Variants in ANK3 observed in about 807,000 individuals in gnomAD.
The protein encoded by ANK3 is ankyrin-3.
A neutral mutation model predicts 370.9 loss-of-function variants in ANK3; 57 were observed. The observed-to-expected ratio is 0.15, with a 90% CI of 0.12 to 0.19. The LOEUF is 0.19. Among genes scored for constraint, ANK3 ranks in the 10% least tolerant of loss-of-function variants. The pLI, the probability that ANK3 is intolerant of heterozygous loss-of-function variation, is 1.00. For synonymous variants in ANK3, 1,929 were observed against 1,946.3 expected, an observed-to-expected ratio of 0.99 and a Z score of 0.23; for missense variants, 4,439 against 5,302.1, an observed-to-expected ratio of 0.84 and a Z score of 5.06.
intron 7 of ANK3, among the ~76,000 whole-genome samples, chr10:60,245,811 A>G (rs887895017): frequency 1.3e-5 from 2 of 152,224 alleles, no homozygotes; most frequent in African/African-American, 4.8e-5. Flanking sequence ...TAATATTTGA[A>G]TAGACTGATA....
At chr10:60,276,637 AG>A (rs1398297030) in intron 4 of ANK3, among the ~76,000 whole-genome samples, 1 of 152,240 alleles carries the variant, frequency 6.6e-6, no homozygotes, top group Non-Finnish European at 1.5e-5. Flanking sequence ...AATTGAAATT[AG>A]AACTAATTAG....
At chr10:60,105,209 T>C (rs2091999345) in intron 28 of ANK3, among the ~76,000 whole-genome samples, 2 of 90,620 alleles carry the variant, frequency 2.2e-5, no homozygotes, top group East Asian at 4.6e-4. Flanking sequence ...GTTCTCTAAT[T>C]TTTTTTTTTT....
At chr10:60,427,901 G>A (rs1235378278) in intron 2 of ANK3, among the ~76,000 whole-genome samples, 2 of 152,074 alleles carry the variant, frequency 1.3e-5, no homozygotes, top group Non-Finnish European at 2.9e-5. Flanking sequence ...ATCTGAGAAG[G>A]ACACATTTGA....
chr10:60,163,015 A>C (rs1428509819), intron 23 of ANK3, among the ~76,000 whole-genome samples: 1 of 152,174 alleles, frequency 6.6e-6, no homozygotes, highest in African/African-American at 2.4e-5. Context: ...AACCAAAGCC[A>C]ATGTAAAATC....
At chr10:60,056,773 C>T (rs905749128) in intron 41 of ANK3, among the ~76,000 whole-genome samples, 2 of 152,132 alleles carry the variant, frequency 1.3e-5, no homozygotes, top group Non-Finnish European at 2.9e-5. Flanking sequence ...CCTATATTCC[C>T]AGCATTTTGG....
chr10:60,589,784 T>C (rs958266213), intron 2 of ANK3, among the ~76,000 whole-genome samples: 1 of 152,264 alleles, frequency 6.6e-6, no homozygotes, highest in Non-Finnish European at 1.5e-5. Flanking sequence ...TTGGCTATTA[T>C]GGATAATTTA....
chr10:60,501,484 C>G (rs2075794852), intron 2 of ANK3, among the ~76,000 whole-genome samples: 1 of 152,060 alleles, frequency 6.6e-6, no homozygotes, highest in South Asian at 2.1e-4. Context: ...GCAGGCAGAT[C>G]ACTTGAGGCC....
intron 2 of ANK3, among the ~76,000 whole-genome samples, chr10:60,517,138 C>G (rs1595188739): frequency 6.6e-6 from 1 of 152,080 alleles, no homozygotes; most frequent in East Asian, 1.9e-4. Context: ...GATCTTGGCT[C>G]ACTGTAAACT....
At chr10:60,517,712 T>G (rs1203736749) in intron 2 of ANK3, among the ~76,000 whole-genome samples, 4 of 151,998 alleles carry the variant, frequency 2.6e-5, no homozygotes, top group Non-Finnish European at 2.9e-5. Flanking sequence ...TTGTAAACTG[T>G]AAAATATAGA....
chr10:60,574,314 T>C (rs926196052), intron 2 of ANK3, among the ~76,000 whole-genome samples: 8 of 152,258 alleles, frequency 5.3e-5, no homozygotes, highest in African/African-American at 1.9e-4. Context: ...CCACGTGGAT[T>C]TTACCAACCA....
chr10:60,279,286 G>T, intron 2 of ANK3, 138 bp from the exon 3 acceptor site: 1 of 771,166 alleles, frequency 1.3e-6, no homozygotes, highest in Non-Finnish European at 2.1e-6. Flanking sequence ...CTTGAATCTT[G>T]AATTAGGAAT....
In ANK3 at chr10:60,309,585, G is replaced by T. The variant is rs1566469858; in HGVS notation, c.115-29946C>A. On this transcript the variant is annotated intron_variant, in intron 1 of 43. Coordinates refer to ENST00000280772, the MANE Select transcript of ANK3 (RefSeq NM_020987.5). ...GACATTGACACATTACTCCAGGGGG[G>T]TGTTCTGAAACTATGACACCAACAC... 4.6e-5 allele frequency among the ~76,000 whole-genome samples: 7 copies of T among 152,276 alleles called. No individual in the cohort carries two copies. In the South Asian group the frequency reaches 1.5e-3, roughly 32 times the overall value.
At chr10:60,428,832 G>A (rs1175750125) in intron 2 of ANK3, among the ~76,000 whole-genome samples, 1 of 152,150 alleles carries the variant, frequency 6.6e-6, no homozygotes, top group East Asian at 1.9e-4. Flanking sequence ...GAGAAATGCT[G>A]GCAGAAAGGT....
chr10:60,218,093 C>CTTTTTT (rs2096971270), intron 8 of ANK3, among the ~76,000 whole-genome samples: 1 of 124,408 alleles, frequency 8.0e-6, no homozygotes, highest in Non-Finnish European at 1.7e-5. Context: ...TTTTCTTTTT[C>CTTTTTT]TTTCTTTTTT....
intron 1 of ANK3, among the ~76,000 whole-genome samples, chr10:60,343,760 G>C (rs911016050): frequency 6.6e-6 from 1 of 152,174 alleles, no homozygotes; most frequent in African/African-American, 2.4e-5. Context: ...TGAAGTTTCT[G>C]TTCTTGTAAG....
chr10:60,699,981 C>A (rs1283125279), intron 1 of ANK3, among the ~76,000 whole-genome samples: 10 of 152,092 alleles, frequency 6.6e-5, no homozygotes, highest in Admixed American at 6.6e-4. Flanking sequence ...ATGTAAAGAT[C>A]CCACTGGCTT....
chr10:60,028,267 A>ATGTT lies in ANK3; in HGVS notation c.*1575_*1578dup, dbSNP rs1409742033. 3 of 152,618 alleles carry ATGTT rather than the reference A, an allele frequency of 2.0e-5. No individual in the cohort carries two copies. The highest frequency in any genetic ancestry group is 7.2e-5 in the African/African-American group (3 of 41,452). 9.5% of individuals were successfully genotyped at this position (152,618 alleles called of 1,614,324 possible). A position where few individuals can be genotyped will look rare whatever the true frequency, so the allele number is the denominator to read the frequency against. ...CTGGGAGCTTGCAGGGCACATATGA[A>ATGTT]TGTTAGAGATTATCTCTTCAGTGAC... On this transcript the variant is annotated 3_prime_UTR_variant, in exon 44 of 44. Transcript: ENST00000280772.
chr10:60,097,290 G>C (rs1317578885), intron 28 of ANK3, among the ~76,000 whole-genome samples: 1 of 152,208 alleles, frequency 6.6e-6, no homozygotes, highest in East Asian at 1.9e-4. Context: ...CTCTTTAACA[G>C]TGTCTTTGCA....
At chr10:60,274,618 C>T (rs1258048392) in intron 4 of ANK3, among the ~76,000 whole-genome samples, 1 of 152,124 alleles carries the variant, frequency 6.6e-6, no homozygotes, top group Non-Finnish European at 1.5e-5. Flanking sequence ...TCTTGATTGA[C>T]CTGTAGGAAC....
Sources: gnomAD v4.1 joint callset for allele counts (sites outside exome capture counted in the v4.1 genomes callset) on GRCh38, gnomAD v4.1.1 for gene constraint, MANE v1.5 for transcripts, NCBI Gene and HGNC (gene_info 2026-07-23, HGNC 2026-07-21) for gene names.